The following MYO1D variants were observed in gnomAD, a reference collection of about 807,000 sequenced individuals.
The protein encoded by MYO1D is myosin ID.
Under a neutral mutation model 122.0 loss-of-function variants are expected in MYO1D, and 83 were observed. The ratio of observed to expected loss-of-function variants is 0.68; its 90% CI spans 0.57 to 0.82. The LOEUF is 0.82. Among genes scored for constraint, MYO1D ranks in the 40% least tolerant of loss-of-function variants. MYO1D has a pLI of 0.00. For missense variants in MYO1D, 1,157 were observed against 1,269.5 expected (o/e 0.91, Z 1.35); for synonymous variants, 464 against 446.9 (o/e 1.04, Z -0.48).
intron 16 of MYO1D, among the ~76,000 whole-genome samples, chr17:32,661,893 C>T (rs1027211394): frequency 1.3e-5 from 2 of 152,032 alleles, no homozygotes; most frequent in Admixed American, 6.6e-5. Flanking sequence ...TTATATATTA[C>T]ACATATATTT....
At chr17:32,755,741 CAGG>C (rs1243090197) in intron 10 of MYO1D, 79 bp from the exon 11 acceptor site, 1 of 1,276,898 alleles carries the variant, frequency 7.8e-7, no homozygotes. Flanking sequence ...CCATTTGTAT[CAGG>C]AGTTCAGGTA....
At chr17:32,715,603 A>G (rs1298726868) in intron 15 of MYO1D, among the ~76,000 whole-genome samples, 1 of 152,064 alleles carries the variant, frequency 6.6e-6, no homozygotes, top group African/African-American at 2.4e-5. Flanking sequence ...TCCCCACATT[A>G]CCTCATCTAG....
intron 1 of MYO1D, among the ~76,000 whole-genome samples, chr17:32,829,243 G>A (rs1174809990): frequency 6.6e-6 from 1 of 152,108 alleles, no homozygotes. Flanking sequence ...GTCTTCTCAG[G>A]GTGCTTTCAT....
intron 21 of MYO1D, chr17:32,594,501 T>C: frequency 1.7e-6 from 1 of 576,832 alleles, no homozygotes; most frequent in Non-Finnish European, 3.1e-6. Context: ...TGCCATGTAA[T>C]CTTGGGCCTG....
In MYO1D at chr17:32,760,604, AC is replaced by A; in HGVS notation, c.1058del (p.Cys353PhefsTer64). Reference protein sequence around the residue: ...FAKAIYERLFCWIVTRINDII... With the variant: ...FAKAIYERLFXWIVTRINDII... ...TATCATTGATGCGAGTAACGATCCA[AC>A]AAAAAAGGCGCTCATATATTGCCTG... On this transcript the variant is annotated frameshift_variant, in exon 9 of 22. Coordinates refer to ENST00000318217, the MANE Select transcript of MYO1D (RefSeq NM_015194.3). LOFTEE classifies it high-confidence loss of function. 6.2e-7 allele frequency: 1 copy of A among 1,609,652 alleles called. No individual in the cohort carries two copies. Among genetic ancestry groups the A allele is most frequent in the Non-Finnish European group, 8.5e-7 (1 of 1,178,604 alleles).
chr17:32,732,955 G>A (rs2089657966), intron 14 of MYO1D, among the ~76,000 whole-genome samples: 1 of 152,228 alleles, frequency 6.6e-6, no homozygotes. Flanking sequence ...CATGGAAGCT[G>A]CTTGCAGTAT....
chr17:32,816,887 T>C (rs968118214), intron 1 of MYO1D, among the ~76,000 whole-genome samples: 1 of 152,192 alleles, frequency 6.6e-6, no homozygotes, highest in Non-Finnish European at 1.5e-5. Context: ...TGAATTTTTT[T>C]AAATAATAAA....
intron 1 of MYO1D, among the ~76,000 whole-genome samples, chr17:32,783,956 C>T (rs781311853): frequency 6.6e-6 from 1 of 152,094 alleles, no homozygotes; most frequent in East Asian, 1.9e-4. Context: ...CTACTTTGTG[C>T]CAGATACCGG....
At chr17:32,826,648 G>A (rs188504727) in intron 1 of MYO1D, among the ~76,000 whole-genome samples, 13 of 152,234 alleles carry the variant, frequency 8.5e-5, no homozygotes, top group African/African-American at 2.2e-4. Context: ...ATAGAAGACC[G>A]TGGACACTGG....
chr17:32,560,528 CATATATATATATATATATATAT>C (rs56214129), intron 21 of MYO1D, among the ~76,000 whole-genome samples: 7,003 of 65,550 alleles, frequency 0.11, 694 homozygotes, highest in African/African-American at 0.12. Flanking sequence ...CCAGAGACAA[CATATATATATATATATATATAT>C]ATATATATAT....
At chr17:32,763,110 C>T (rs1282219845) in intron 8 of MYO1D, among the ~76,000 whole-genome samples, 2 of 150,692 alleles carry the variant, frequency 1.3e-5, no homozygotes, top group South Asian at 2.1e-4. Context: ...GGCATGAACC[C>T]GGAAGGCAGA....
intron 16 of MYO1D, 103 bp from the exon 17 acceptor site, chr17:32,659,441 C>G (rs2088526726): frequency 8.3e-7 from 1 of 1,200,112 alleles, no homozygotes; most frequent in South Asian, 1.3e-5. Flanking sequence ...AACCAGGCAA[C>G]TTGCAAGTGT....
intron 21 of MYO1D, among the ~76,000 whole-genome samples, chr17:32,564,561 TTTAG>T (rs1486412422): frequency 5.7e-4 from 87 of 152,310 alleles, no homozygotes; most frequent in Middle Eastern, 3.4e-3. Flanking sequence ...TCGGTATTTA[TTTAG>T]TGTTTCCTGT....
intron 21 of MYO1D, among the ~76,000 whole-genome samples, chr17:32,508,309 C>T (rs182459946): frequency 2.0e-5 from 3 of 152,098 alleles, no homozygotes; most frequent in Non-Finnish European, 4.4e-5. Flanking sequence ...GAGTCTTGCT[C>T]TGTCACCCAG....
intron 19 of MYO1D, among the ~76,000 whole-genome samples, chr17:32,646,770 G>A (rs1396416010): frequency 6.6e-6 from 1 of 152,152 alleles, no homozygotes; most frequent in Non-Finnish European, 1.5e-5. Context: ...TTTACCTTCT[G>A]TTTCAGCAGC....
chr17:32,507,297 G>A (rs1482297029), intron 21 of MYO1D, among the ~76,000 whole-genome samples: 7 of 152,030 alleles, frequency 4.6e-5, no homozygotes, highest in Non-Finnish European at 7.4e-5. Context: ...CCAGCTACTC[G>A]GGAGGCTGAG....
At chr17:32,782,264 T>C (rs1378226938) in intron 1 of MYO1D, among the ~76,000 whole-genome samples, 2 of 152,246 alleles carry the variant, frequency 1.3e-5, no homozygotes, top group African/African-American at 4.8e-5. Flanking sequence ...TTCAAGGTTT[T>C]CAGTGCATTT....
At chr17:32,508,763 A>G (rs1437915524) in intron 21 of MYO1D, among the ~76,000 whole-genome samples, 1 of 152,226 alleles carries the variant, frequency 6.6e-6, no homozygotes, top group Non-Finnish European at 1.5e-5. Context: ...GAAGTGATAG[A>G]GTAGAGGCAG....
intron 1 of MYO1D, among the ~76,000 whole-genome samples, chr17:32,843,681 A>G (rs552424991): frequency 6.6e-6 from 1 of 152,366 alleles, no homozygotes; most frequent in African/African-American, 2.4e-5. Context: ...AGTGGATTTC[A>G]TCAAGATCCT....
Sources: allele counts gnomAD v4.1 joint callset (sites outside exome capture counted in the v4.1 genomes callset), GRCh38; gene constraint gnomAD v4.1.1; transcripts MANE v1.5; gene names NCBI Gene and HGNC (gene_info 2026-07-23, HGNC 2026-07-21).